WDR49: variants seen among roughly 807,000 people sequenced by gnomAD.
The protein encoded by WDR49 is cilia- and flagella-associated protein 337.
WDR49 carries 107 observed loss-of-function variants against 119.5 expected under a neutral mutation model. The ratio of observed to expected loss-of-function variants is 0.90; its 90% CI spans 0.77 to 1.05. The LOEUF (loss-of-function observed/expected upper bound fraction) is 1.05, where lower values mean the gene tolerates loss of function less well. WDR49 is among the 50% of genes least tolerant of loss of function. The probability of loss-of-function intolerance (pLI) is 0.00; values close to 1 mark genes in which losing one functional copy is unlikely to be tolerated. For synonymous variants in WDR49, 425 were observed against 418.8 expected (o/e 1.01, Z -0.18); for missense variants, 1,240 against 1,220.5 (o/e 1.02, Z -0.24).
intron 7 of WDR49, among the ~76,000 whole-genome samples, chr3:167,584,019 T>G (rs1714684938): frequency 6.6e-6 from 1 of 152,094 alleles, no homozygotes. Flanking sequence ...CAAGCAAGAA[T>G]GTAAAATAAT....
intron 2 of WDR49, among the ~76,000 whole-genome samples, chr3:167,648,902 AT>A (rs1173437074): frequency 2.0e-5 from 3 of 152,210 alleles, no homozygotes; most frequent in Non-Finnish European, 4.4e-5. Context: ...TGCAGATATT[AT>A]ATATTTTACA....
At chr3:167,510,390 T>C (rs978019642) in intron 16 of WDR49, among the ~76,000 whole-genome samples, 1 of 152,200 alleles carries the variant, frequency 6.6e-6, no homozygotes, top group Non-Finnish European at 1.5e-5. Context: ...TCCTATAAAC[T>C]AGGAAAAATA....
intron 18 of WDR49, among the ~76,000 whole-genome samples, chr3:167,490,717 G>A (rs1038193016): frequency 7.2e-5 from 11 of 151,970 alleles, no homozygotes; most frequent in Non-Finnish European, 1.2e-4. Context: ...CACCCTTCTG[G>A]GTTGTTAGAT....
At chr3:167,594,416 G>T (rs1715302596) in intron 7 of WDR49, among the ~76,000 whole-genome samples, 2 of 152,114 alleles carry the variant, frequency 1.3e-5, no homozygotes, top group Admixed American at 6.6e-5. Context: ...TTTTGCCCCT[G>T]CCCTAGATAC....
chr3:167,520,087 G>GTGTC (rs1752380368), intron 16 of WDR49, among the ~76,000 whole-genome samples: 1 of 151,318 alleles, frequency 6.6e-6, no homozygotes, highest in African/African-American at 2.4e-5. Context: ...AAATGTGTGT[G>GTGTC]TGTGTGTGTG....
At chr3:167,642,040 GAAGAA>G (rs1717906880) in intron 2 of WDR49, among the ~76,000 whole-genome samples, 1 of 151,860 alleles carries the variant, frequency 6.6e-6, no homozygotes, top group African/African-American at 2.4e-5. Context: ...GAGAGGATGG[GAAGAA>G]AAGGATAGGG....
intron 18 of WDR49, among the ~76,000 whole-genome samples, chr3:167,492,092 G>A (rs1241139363): frequency 6.6e-6 from 1 of 151,424 alleles, no homozygotes; most frequent in Non-Finnish European, 1.5e-5. Context: ...GTGCAAAGAC[G>A]TAAGGTAGCC....
intron 16 of WDR49, among the ~76,000 whole-genome samples, chr3:167,517,129 C>G (rs925166218): frequency 1.3e-5 from 2 of 151,910 alleles, no homozygotes; most frequent in African/African-American, 2.4e-5. Context: ...GGACTGTAAA[C>G]TAGTACTCTT....
At chr3:167,653,151 A>G (rs1224303530) in intron 2 of WDR49, 110 bp downstream of exon 2, 6 of 1,231,354 alleles carry the variant, frequency 4.9e-6, no homozygotes, top group Non-Finnish European at 6.8e-6. Flanking sequence ...ATTCTCTGCT[A>G]TAACAATTAA....
intron 7 of WDR49, among the ~76,000 whole-genome samples, chr3:167,577,770 T>C (rs1248045519): frequency 6.6e-6 from 1 of 152,142 alleles, no homozygotes; most frequent in Non-Finnish European, 1.5e-5. Flanking sequence ...CTATAAAAGA[T>C]AGTTTCTGTT....
rs542855198 is a variant in WDR49, at chr3:167,515,263, G to C, written c.2774+7052C>G. Among the ~76,000 whole-genome samples the C allele has an allele frequency of 2.0e-5, 3 of 152,230 alleles. 1 individual carries two copies. The highest frequency in any genetic ancestry group is 2.0e-4 in the Admixed American group (3 of 15,288). On this transcript the variant is annotated intron_variant, in intron 16 of 18. Transcript: ENST00000682715. ...ATAAAATACTTGCAAACCAAATTCTGCAGCACATCAAAAAGCGTATCCACC... is the reference window on the plus strand; with the variant it reads ...ATAAAATACTTGCAAACCAAATTCTCCAGCACATCAAAAAGCGTATCCACC...
At chr3:167,557,103 C>T (rs6763372) in intron 9 of WDR49, among the ~76,000 whole-genome samples, 12 of 151,820 alleles carry the variant, frequency 7.9e-5, no homozygotes, top group East Asian at 3.9e-4. Flanking sequence ...AGGCTAAGAG[C>T]GGAGAATCAC....
chr3:167,486,228 G>A lies in WDR49; in HGVS notation c.3032-7232C>T, dbSNP rs114658183. 8.4e-3 allele frequency among the ~76,000 whole-genome samples: 1,274 copies of A among 152,058 alleles called. 5 individuals are homozygous for A. Among genetic ancestry groups the A allele is most frequent in the Non-Finnish European group, 0.014 (924 of 67,952 alleles). Reference sequence around the variant, plus strand: ...GGAATTTATTTCAATGTGATCAGCCGTAATTACAAGAGTCTCTTAAAGGCA... The same window carrying A: ...GGAATTTATTTCAATGTGATCAGCCATAATTACAAGAGTCTCTTAAAGGCA... On this transcript the variant is annotated intron_variant, in intron 18 of 18. Coordinates refer to ENST00000682715, the MANE Select transcript of WDR49 (RefSeq NM_001366157.1).
intron 2 of WDR49, among the ~76,000 whole-genome samples, chr3:167,646,472 A>G (rs933839141): frequency 2.0e-5 from 3 of 152,194 alleles, no homozygotes; most frequent in African/African-American, 7.2e-5. Context: ...AGGAAGCAGA[A>G]CAAGTTAGTA....
intron 10 of WDR49, among the ~76,000 whole-genome samples, chr3:167,548,312 A>G (rs1278956252): frequency 6.6e-6 from 1 of 151,998 alleles, no homozygotes; most frequent in Non-Finnish European, 1.5e-5. Flanking sequence ...CGGCACTTGT[A>G]CAGTTTGATT....
chr3:167,642,295 T>C (rs1396859909), intron 2 of WDR49, among the ~76,000 whole-genome samples: 1 of 151,984 alleles, frequency 6.6e-6, no homozygotes, highest in South Asian at 2.1e-4. Flanking sequence ...TGCAATATAA[T>C]GCAAAAAAAC....
chr3:167,486,920 A>G (rs1750943688), intron 18 of WDR49, among the ~76,000 whole-genome samples: 1 of 152,120 alleles, frequency 6.6e-6, no homozygotes, highest in African/African-American at 2.4e-5. Flanking sequence ...AACAACCAAC[A>G]GAATATATAT....
At chr3:167,569,031 C>A (rs1049001276) in intron 8 of WDR49, among the ~76,000 whole-genome samples, 4 of 151,856 alleles carry the variant, frequency 2.6e-5, no homozygotes, top group African/African-American at 9.7e-5. Flanking sequence ...TAACCTCTGG[C>A]TCCCAGGTTC....
intron 2 of WDR49, chr3:167,633,612 T>C: frequency 2.5e-6 from 1 of 396,794 alleles, no homozygotes; most frequent in Non-Finnish European, 5.0e-6. Flanking sequence ...GCGTATAGCA[T>C]CATTTAGTTG....
Sources: allele counts gnomAD v4.1 joint callset (sites outside exome capture counted in the v4.1 genomes callset), GRCh38; gene constraint gnomAD v4.1.1; transcripts MANE v1.5; gene names NCBI Gene and HGNC (gene_info 2026-07-23, HGNC 2026-07-21).